The following KIT variants were observed in gnomAD, a reference collection of about 807,000 sequenced individuals.
The protein encoded by KIT is mast/stem cell growth factor receptor Kit.
KIT carries 16 observed loss-of-function variants against 105.7 expected under a neutral mutation model. The observed-to-expected ratio is 0.15, with a 90% CI of 0.10 to 0.23. The LOEUF (loss-of-function observed/expected upper bound fraction) is 0.23, where lower values mean the gene tolerates loss of function less well. Among genes scored for constraint, KIT ranks in the 10% least tolerant of loss-of-function variants. KIT has a pLI of 1.00. For missense variants in KIT, 858 were observed against 1,213.8 expected (o/e 0.71, Z 4.36); for synonymous variants, 438 against 441.1 (o/e 0.99, Z 0.09).
intron 1 of KIT, among the ~76,000 whole-genome samples, chr4:54,686,280 A>G (rs1034487603): frequency 1.3e-5 from 2 of 152,248 alleles, no homozygotes; most frequent in African/African-American, 4.8e-5. Context: ...TAAATGGCTA[A>G]TCATTTTTAA....
chr4:54,662,868 T>G (rs1310772243), intron 1 of KIT, among the ~76,000 whole-genome samples: 2 of 152,170 alleles, frequency 1.3e-5, no homozygotes, highest in Admixed American at 6.5e-5. Flanking sequence ...CCACCATGCC[T>G]GGCCGACAGT....
chr4:54,706,616 T>C (rs1720809187), intron 5 of KIT, among the ~76,000 whole-genome samples: 1 of 152,162 alleles, frequency 6.6e-6, no homozygotes. Flanking sequence ...TGCTCTTTGA[T>C]TTATCTGTGA....
In KIT at chr4:54,725,961, A is replaced by G. The variant is rs2109769097; in HGVS notation, c.1451A>G (p.Lys484Arg). 6.2e-7 allele frequency: 1 copy of G among 1,614,182 alleles called. No homozygotes were observed. The highest frequency in any genetic ancestry group is 1.3e-5 in the African/African-American group (1 of 75,048). The change falls in exon 9 of 21, where the codon AAG becomes AGG. Residue 484 changes from lysine to arginine, a missense_variant. Coordinates refer to ENST00000288135, the MANE Select transcript of KIT (RefSeq NM_000222.3). Reference protein sequence around the residue: ...VQSSIDSSAFKHNGTVECKAY... With the variant: ...VQSSIDSSAFRHNGTVECKAY... ...AGTTCTATAGATTCTAGTGCATTCA[A>G]GCACAATGGCACGGTTGAATGTAAG... is the stretch of plus-strand genomic sequence containing the variant.
chr4:54,688,298 A>G (rs778516162), intron 1 of KIT, among the ~76,000 whole-genome samples: 77 of 152,224 alleles, frequency 5.1e-4, no homozygotes, highest in South Asian at 1.0e-3. Context: ...ACAGTATAAT[A>G]TACAAATCAT....
intron 1 of KIT, among the ~76,000 whole-genome samples, chr4:54,667,561 G>A (rs943674898): frequency 6.6e-6 from 1 of 152,176 alleles, no homozygotes; most frequent in Admixed American, 6.5e-5. Context: ...AAAAGAGTGG[G>A]GTGGAATTTG....
At chr4:54,733,034 A>AT (rs1459586550) in intron 16 of KIT, 36 bp from the exon 17 acceptor site, 1 of 1,592,076 alleles carries the variant, frequency 6.3e-7, no homozygotes, top group African/African-American at 1.3e-5. Context: ...GTTAAAATGA[A>AT]TTTAAATGGT....
intron 1 of KIT, among the ~76,000 whole-genome samples, chr4:54,669,353 AC>A (rs1717938123): frequency 6.6e-6 from 1 of 152,174 alleles, no homozygotes; most frequent in Non-Finnish European, 1.5e-5. Flanking sequence ...TGGTTTCAGA[AC>A]CACTGCCTTT....
In KIT at chr4:54,728,041, T is replaced by TG; in HGVS notation, c.1910_1911insG (p.Met638HisfsTer3). 1 of 1,614,076 alleles carries TG rather than the reference T, an allele frequency of 6.2e-7. No individual in the cohort carries two copies. The highest frequency in any genetic ancestry group is 8.5e-7 in the Non-Finnish European group (1 of 1,179,974). On this transcript the variant is annotated frameshift_variant, in exon 13 of 21. Transcript: ENST00000288135. LOFTEE classifies it high-confidence loss of function. ...GCCCATTTGACAGAACGGGAAGCCC[T>TG]CATGTCTGAACTCAAAGTCCTGAGT...
At chr4:54,712,884 A>C (rs1721247552) in intron 7 of KIT, among the ~76,000 whole-genome samples, 1 of 152,160 alleles carries the variant, frequency 6.6e-6, no homozygotes, top group African/African-American at 2.4e-5. Flanking sequence ...CTTTTCCTTG[A>C]AGTTAGTTTG....
At chr4:54,731,801 T>C (rs1722612636) in intron 15 of KIT, 70 bp from the exon 16 acceptor site, 9 of 1,532,550 alleles carry the variant, frequency 5.9e-6, no homozygotes, top group Middle Eastern at 1.7e-4. Flanking sequence ...TGGTATGTCA[T>C]TGCCACTGTC....
At chr4:54,717,935 T>A (rs12646437) in intron 7 of KIT, among the ~76,000 whole-genome samples, 15,353 of 152,096 alleles carry the variant, frequency 0.1, 885 homozygotes, top group South Asian at 0.2. Context: ...ATGGTGCTCC[T>A]GTAAGTTGAG....
At chr4:54,703,334 T>G (rs1418423985) in intron 4 of KIT, among the ~76,000 whole-genome samples, 2 of 152,196 alleles carry the variant, frequency 1.3e-5, no homozygotes, top group Non-Finnish European at 2.9e-5. Flanking sequence ...GTGTTCGCTC[T>G]CAGTCATTGG....
At chr4:54,711,068 TG>T (rs951851749) in intron 7 of KIT, among the ~76,000 whole-genome samples, 6 of 152,066 alleles carry the variant, frequency 3.9e-5, no homozygotes, top group Admixed American at 3.3e-4. Flanking sequence ...TTTTTAGAGA[TG>T]GGGGTCTTGC....
Position 54,710,171 on chromosome 4 carries a change from T to C in KIT, c.1231+632T>C, listed in dbSNP as rs185684876. On this transcript the variant is annotated intron_variant, in intron 7 of 20. Coordinates refer to ENST00000288135, the MANE Select transcript of KIT (RefSeq NM_000222.3). ...CAGCCCACCATGTCTTAGAGAAATGTCTGCTCTGAAGTTGAGGCCAAGGGA... is the reference window on the plus strand; with the variant it reads ...CAGCCCACCATGTCTTAGAGAAATGCCTGCTCTGAAGTTGAGGCCAAGGGA... Among the ~76,000 whole-genome samples, 627 of 152,332 alleles carry C rather than the reference T, an allele frequency of 4.1e-3. 6 individuals carry two copies. Among genetic ancestry groups the C allele is most frequent in the Admixed American group, 6.0e-3 (92 of 15,310 alleles).
At chr4:54,667,137 CT>C (rs1717760734) in intron 1 of KIT, among the ~76,000 whole-genome samples, 1 of 152,140 alleles carries the variant, frequency 6.6e-6, no homozygotes, top group African/African-American at 2.4e-5. Context: ...TCCCAAAGTC[CT>C]TTTCTCTTGA....
At chr4:54,704,557 CT>C (rs1398226462) in intron 5 of KIT, among the ~76,000 whole-genome samples, 5 of 152,068 alleles carry the variant, frequency 3.3e-5, no homozygotes, top group Non-Finnish European at 5.9e-5. Context: ...CTTCTCTACT[CT>C]AGAAATTTCA....
Position 54,709,448 on chromosome 4 carries a change from G to A in KIT, c.1140G>A (p.Thr380=), listed in dbSNP as rs766702350. Residue 380 remains threonine (T), a synonymous_variant, in exon 7 of 21, where the codon ACG becomes ACA. Transcript: ENST00000288135. The stretch of plus-strand genomic sequence containing the variant: ...GATACGTAAGTGAACTTCATCTAAC[G>A]AGATTAAAAGGCACCGAAGGAGGCA... ...NIRYVSELHL[T]RLKGTEGGTY... 27 of 1,612,712 alleles carry A rather than the reference G, an allele frequency of 1.7e-5. No individual in the cohort carries two copies. Among genetic ancestry groups the A allele is most frequent in the Non-Finnish European group, 2.2e-5 (26 of 1,178,830 alleles).
Position 54,737,300 on chromosome 4 carries a change from G to C in KIT, c.2802+20G>C, listed in dbSNP as rs750698749. 1 of 1,490,848 alleles carries C rather than the reference G, an allele frequency of 6.7e-7. No individual in the cohort carries two copies. Among genetic ancestry groups the C allele is most frequent in the Non-Finnish European group, 9.4e-7 (1 of 1,067,608 alleles). The allele number at this position is 1,490,848 out of a possible 1,614,324, so 92.4% of individuals were successfully genotyped here. A position where few individuals can be genotyped will look rare whatever the true frequency, so the allele number is the denominator to read the frequency against. ...AATCATGTGAGTATACCCTGGCCAG[G>C]CATAGAATCCCCCTTCTCCCAGTTC... On this transcript the variant is annotated intron_variant, in intron 20 of 20. Coordinates refer to ENST00000288135, the MANE Select transcript of KIT (RefSeq NM_000222.3).
intron 1 of KIT, among the ~76,000 whole-genome samples, chr4:54,681,483 A>G (rs895150639): frequency 6.6e-6 from 1 of 152,106 alleles, no homozygotes; most frequent in African/African-American, 2.4e-5. Context: ...TCAAAAGGGG[A>G]GGTCTTTCCT....
Sources: allele counts gnomAD v4.1 joint callset (sites outside exome capture counted in the v4.1 genomes callset), GRCh38; gene constraint gnomAD v4.1.1; transcripts MANE v1.5; gene names NCBI Gene and HGNC (gene_info 2026-07-23, HGNC 2026-07-21).